Variants in RB1CC1 observed in about 807,000 individuals in gnomAD.
RB1CC1 encodes RB1 inducible coiled-coil 1.
In RB1CC1, 46 loss-of-function variants were observed where a neutral mutation model predicts 177.5. The ratio of observed to expected loss-of-function variants is 0.26; its 90% CI spans 0.20 to 0.33. RB1CC1 has a LOEUF of 0.33. RB1CC1 is among the 10% of genes least tolerant of loss of function. The pLI, the probability that RB1CC1 is intolerant of heterozygous loss-of-function variation, is 1.00. For missense variants in RB1CC1, 1,703 were observed against 1,816.3 expected (o/e 0.94, Z 1.13); for synonymous variants, 666 against 613.6 (o/e 1.09, Z -1.26).
intron 1 of RB1CC1, among the ~76,000 whole-genome samples, chr8:52,699,590 C>T (rs13272267): frequency 6.7e-6 from 1 of 148,926 alleles, no homozygotes; most frequent in Admixed American, 6.7e-5. Flanking sequence ...AGGTGGATCA[C>T]TTGAGGTCAG....
chr8:52,683,844 AAAG>A, intron 4 of RB1CC1, 40 bp downstream of exon 4: 1 of 1,602,822 alleles, frequency 6.2e-7, no homozygotes, highest in African/African-American at 1.3e-5. Context: ...AATGTGATGT[AAAG>A]ATGTTGCATT....
chr8:52,680,570 CTACAG>C (rs2150580549), intron 5 of RB1CC1, among the ~76,000 whole-genome samples: 1 of 152,238 alleles, frequency 6.6e-6, no homozygotes, highest in African/African-American at 2.4e-5. Context: ...TTTCTCTACA[CTACAG>C]TAGTCAAAAG....
intron 1 of RB1CC1, among the ~76,000 whole-genome samples, chr8:52,695,768 C>T (rs1234488377): frequency 1.3e-5 from 2 of 152,208 alleles, no homozygotes; most frequent in Admixed American, 6.5e-5. Flanking sequence ...CCAGATTCTG[C>T]TCTCTGCCAT....
intron 20 of RB1CC1, among the ~76,000 whole-genome samples, chr8:52,632,515 C>T (rs1173898234): frequency 1.3e-5 from 2 of 152,108 alleles, no homozygotes; most frequent in African/African-American, 2.4e-5. Flanking sequence ...CATAATTCAA[C>T]TTTAGTTTTT....
chr8:52,661,847 C>T lies in RB1CC1; in HGVS notation c.1174-128G>A, dbSNP rs191101498. The T allele has an allele frequency of 3.0e-4, 196 of 643,564 alleles. 1 individual carries two copies. In the African/African-American group the frequency reaches 3.5e-3, roughly 11 times the overall value. 39.9% of individuals were successfully genotyped at this position (643,564 alleles called of 1,614,324 possible). A position where few individuals can be genotyped will look rare whatever the true frequency, so the allele number is the denominator to read the frequency against. On this transcript the variant is annotated intron_variant, in intron 8 of 23. Transcript: ENST00000025008. ...TGCCTTCTAACAATATTTTTAAATC[C>T]TCTATTTTTCTCGAATGTAGTAGAT... is the stretch of plus-strand genomic sequence containing the variant.
In RB1CC1 at chr8:52,657,506, T is replaced by C; in HGVS notation, c.2323A>G (p.Arg775Gly). The C allele has an allele frequency of 6.2e-7, 1 of 1,613,950 alleles. No individual in the cohort carries two copies. Among genetic ancestry groups the C allele is most frequent in the Non-Finnish European group, 8.5e-7 (1 of 1,180,012 alleles). The change falls in exon 15 of 24, where the codon AGA (arginine) becomes GGA (glycine). Residue 775 changes from arginine (R) to glycine (G), a missense_variant. Around this residue, in one of 6 missense-constraint regions of RB1CC1, gnomAD observed 1,169 missense variants for 1,184.7 expected, o/e 0.99. Coordinates refer to ENST00000025008, the MANE Select transcript of RB1CC1 (RefSeq NM_014781.5). ...CATACATTTGTATCCTGCATTCGTC[T>C]ACTGTCTATCGCATTGATAACTGAT... ...YSSVINAIDS[R>G]RMQDTNVCGK... is the part of the protein sequence containing the mutation.
chr8:52,656,109 T>G lies in RB1CC1; in HGVS notation c.3720A>C (p.Glu1240Asp). The G allele has an allele frequency of 6.2e-7, 1 of 1,613,708 alleles. No individual in the cohort carries two copies. The highest frequency in any genetic ancestry group is 8.5e-7 in the Non-Finnish European group (1 of 1,179,824). ...ATTCTTTTAGGGCAGTCTGAATAGCTTCATCTTTTTCACAATTAAGCTTCT... is the reference window on the plus strand; with the variant it reads ...ATTCTTTTAGGGCAGTCTGAATAGCGTCATCTTTTTCACAATTAAGCTTCT... Reference protein sequence around the residue: ...LIQKLNCEKDEAIQTALKEFK... With the variant: ...LIQKLNCEKDDAIQTALKEFK... The change falls in exon 15 of 24, where the codon GAA becomes GAC. Residue 1240 changes from glutamate (E) to aspartate (D), a missense_variant. Physicochemically the swap from Glu to Asp is conservative, Grantham distance 45 (BLOSUM62 2). This residue lies in a region of RB1CC1 where 1,169 missense variants were observed against 1,184.7 expected (regional missense o/e 0.99). Coordinates refer to ENST00000025008, the MANE Select transcript of RB1CC1 (RefSeq NM_014781.5).
intron 5 of RB1CC1, among the ~76,000 whole-genome samples, chr8:52,681,548 C>A (rs1461429205): frequency 1.3e-5 from 2 of 152,068 alleles, no homozygotes; most frequent in Non-Finnish European, 2.9e-5. Context: ...ATTGATTAGA[C>A]CTATGTTACT....
chr8:52,629,915 T>C (rs1000003689), intron 21 of RB1CC1, among the ~76,000 whole-genome samples: 1 of 152,088 alleles, frequency 6.6e-6, no homozygotes, highest in African/African-American at 2.4e-5. Flanking sequence ...AAACCAAGTT[T>C]CCCCCTCACC....
chr8:52,636,932 C>A (rs1849190099), intron 18 of RB1CC1, among the ~76,000 whole-genome samples: 1 of 152,192 alleles, frequency 6.6e-6, no homozygotes, highest in Non-Finnish European at 1.5e-5. Flanking sequence ...TTTGGACTCT[C>A]AATTCTATTC....
chr8:52,660,165 G>A (rs567498900), intron 12 of RB1CC1, among the ~76,000 whole-genome samples: 49 of 152,262 alleles, frequency 3.2e-4, no homozygotes, highest in African/African-American at 1.1e-3. Flanking sequence ...TCTAACTGAG[G>A]CTTTATTATT....
intron 15 of RB1CC1, among the ~76,000 whole-genome samples, chr8:52,648,724 G>C (rs1476827256): frequency 6.6e-6 from 1 of 152,152 alleles, no homozygotes; most frequent in Non-Finnish European, 1.5e-5. Flanking sequence ...AAAAGAGAAT[G>C]AATGGGCTCC....
chr8:52,637,845 AT>A (rs1473066469), intron 18 of RB1CC1, among the ~76,000 whole-genome samples: 1 of 151,798 alleles, frequency 6.6e-6, no homozygotes, highest in Non-Finnish European at 1.5e-5. Context: ...TAATTTTTCT[AT>A]TTTTAGTAGA....
At chr8:52,660,680 T>G in intron 11 of RB1CC1, 23 bp from the exon 12 acceptor site, 1 of 1,571,814 alleles carries the variant, frequency 6.4e-7, no homozygotes, top group Non-Finnish European at 8.6e-7. Flanking sequence ...ATTAACAATA[T>G]GGTTATTTTA....
chr8:52,659,093 A>G (rs1186055334), intron 12 of RB1CC1, 117 bp from the exon 13 acceptor site: 1 of 490,276 alleles, frequency 2.0e-6, no homozygotes, highest in African/African-American at 2.0e-5. Flanking sequence ...AAAGTGCTTT[A>G]AATGATTAAG....
At chr8:52,702,654 T>C (rs905323303) in intron 1 of RB1CC1, among the ~76,000 whole-genome samples, 20 of 152,142 alleles carry the variant, frequency 1.3e-4, no homozygotes, top group Non-Finnish European at 2.2e-4. Context: ...AGGTGGAGGT[T>C]GCAGTGAGCC....
At chr8:52,628,387 A>T (rs1848539083) in intron 21 of RB1CC1, among the ~76,000 whole-genome samples, 1 of 152,150 alleles carries the variant, frequency 6.6e-6, no homozygotes, top group Admixed American at 6.5e-5. Context: ...GCTGTCAAAA[A>T]CCAAAAATTT....
rs1037521835 is a variant in RB1CC1 at position 52,638,353 on chromosome 8, T to C, written c.4338-2284A>G. ...AAAGCCAATTGGAATTCCTTTTGTA[T>C]TCTGCCAGACTGGATCTATTAGTAT... On this transcript the variant is annotated intron_variant, in intron 18 of 23. Transcript: ENST00000025008. 6.6e-5 allele frequency among the ~76,000 whole-genome samples: 10 copies of C among 152,218 alleles called. No homozygotes were observed. The East Asian group carries it at 1.9e-3, about 29-fold the overall frequency.
At chr8:52,665,679 A>G (rs926340653) in intron 8 of RB1CC1, among the ~76,000 whole-genome samples, 1 of 152,204 alleles carries the variant, frequency 6.6e-6, no homozygotes, top group Non-Finnish European at 1.5e-5. Flanking sequence ...GGTAGCCTGT[A>G]ATGTCAACAA....
Sources: gnomAD v4.1 joint callset for allele counts (sites outside exome capture counted in the v4.1 genomes callset) on GRCh38, gnomAD v4.1.1 for gene constraint, gnomAD v4.1.1 regional missense constraint, MANE v1.5 for transcripts, NCBI Gene and HGNC (gene_info 2026-07-23, HGNC 2026-07-21) for gene names.